NR3C1: variants seen among roughly 807,000 people sequenced by gnomAD.
NR3C1 encodes glucocorticoid receptor.
Under a neutral mutation model 74.0 loss-of-function variants are expected in NR3C1, and 14 were observed. That is an observed-to-expected ratio of 0.19 (90% CI 0.12 to 0.30). The LOEUF (loss-of-function observed/expected upper bound fraction) is 0.30. Ranked by LOEUF, NR3C1 falls within the 10% of genes least tolerant of loss-of-function variation. The pLI is 1.00. For missense variants in NR3C1, 695 were observed against 909.8 expected, an observed-to-expected ratio of 0.76 and a Z score of 3.04; for synonymous variants, 308 against 332.5, an observed-to-expected ratio of 0.93 and a Z score of 0.80.
rs10482658 is a variant in NR3C1, at chr5:143,322,512, C to T, written c.1185-8344G>A. ...AAGATTTTTGCCCAAATAGGGATTG[C>T]CAGACTAGGTCAAATAGGTAAAAAC... is the stretch of plus-strand genomic sequence containing the variant. On this transcript the variant is annotated intron_variant, in intron 2 of 8. Transcript: ENST00000394464. 9.5e-3 allele frequency among the ~76,000 whole-genome samples: 1,443 copies of T among 152,234 alleles called. 12 individuals carry two copies. The highest frequency in any genetic ancestry group is 0.023 in the South Asian group (109 of 4,826).
At chr5:143,342,369 G>C (rs1402316630) in intron 2 of NR3C1, among the ~76,000 whole-genome samples, 1 of 152,282 alleles carries the variant, frequency 6.6e-6, no homozygotes, top group African/African-American at 2.4e-5. Flanking sequence ...AGGAAACTGA[G>C]GCTTAGAAGG....
chr5:143,380,897 G>T (rs1475015684), intron 2 of NR3C1, among the ~76,000 whole-genome samples: 1 of 152,078 alleles, frequency 6.6e-6, no homozygotes, highest in African/African-American at 2.4e-5. Context: ...TCTACAACAA[G>T]ACAAGAGTGC....
intron 2 of NR3C1, among the ~76,000 whole-genome samples, chr5:143,363,705 T>C (rs901757435): frequency 6.6e-6 from 1 of 151,992 alleles, no homozygotes; most frequent in Admixed American, 6.6e-5. Context: ...AAGATAGCAA[T>C]GATAAAACTG....
intron 2 of NR3C1, among the ~76,000 whole-genome samples, chr5:143,371,434 G>A (rs568557927): frequency 6.6e-6 from 1 of 152,284 alleles, no homozygotes; most frequent in East Asian, 1.9e-4. Flanking sequence ...TGTTGCTCCA[G>A]CAGACTGTAA....
chr5:143,303,157 A>G (rs1404871504), intron 4 of NR3C1, among the ~76,000 whole-genome samples: 1 of 150,340 alleles, frequency 6.7e-6, no homozygotes, highest in Non-Finnish European at 1.5e-5. Flanking sequence ...AAGCACCTCT[A>G]TGCACACAAA....
At chr5:143,284,353 G>A (rs1414877345) in intron 7 of NR3C1, among the ~76,000 whole-genome samples, 1 of 152,104 alleles carries the variant, frequency 6.6e-6, no homozygotes, top group East Asian at 1.9e-4. Context: ...TAATGAATAT[G>A]TATGAAAATG....
chr5:143,289,010 T>C (rs905288425), intron 7 of NR3C1, among the ~76,000 whole-genome samples: 1 of 143,170 alleles, frequency 7.0e-6, no homozygotes, highest in African/African-American at 2.6e-5. Flanking sequence ...AGGCTGAGGC[T>C]GCGATGAGCC....
chr5:143,311,103 A>C (rs975269123), intron 3 of NR3C1, among the ~76,000 whole-genome samples: 1 of 152,224 alleles, frequency 6.6e-6, no homozygotes, highest in Non-Finnish European at 1.5e-5. Context: ...AAATATCTGT[A>C]CCAGCTGTTT....
chr5:143,356,089 C>T (rs890260103), intron 2 of NR3C1, among the ~76,000 whole-genome samples: 2 of 152,110 alleles, frequency 1.3e-5, no homozygotes, highest in South Asian at 2.1e-4. Context: ...AATATTGCTC[C>T]AAAATATTCC....
intron 7 of NR3C1, chr5:143,294,320 G>C (rs1221053663): frequency 1.2e-5 from 11 of 925,000 alleles, no homozygotes; most frequent in Non-Finnish European, 1.3e-5. Context: ...TATTAACTCA[G>C]TATTTAATAA....
intron 2 of NR3C1, among the ~76,000 whole-genome samples, chr5:143,381,911 CA>C (rs1371554385): frequency 6.6e-6 from 1 of 152,070 alleles, no homozygotes; most frequent in African/African-American, 2.4e-5. Flanking sequence ...GCAACCAATG[CA>C]AAAATGGACA....
intron 2 of NR3C1, among the ~76,000 whole-genome samples, chr5:143,378,477 G>A (rs1484990563): frequency 3.3e-5 from 5 of 152,136 alleles, no homozygotes; most frequent in African/African-American, 4.8e-5. Context: ...TAGCTATGGT[G>A]CGGAAAAATT....
In NR3C1 at chr5:143,415,906, A is replaced by C. The variant is rs1270314812; in HGVS notation, c.-13-15054T>G. Among the ~76,000 whole-genome samples, 5 of 152,194 alleles carry C rather than the reference A, an allele frequency of 3.3e-5. No homozygotes were observed. The East Asian group carries it at 9.6e-4, about 29-fold the overall frequency. On this transcript the variant is annotated intron_variant, in intron 1 of 8. Coordinates refer to the NR3C1 transcript ENST00000343796. ...TCCTTTAGACATTCTAGAAAAAATC[A>C]ATTAGAGCAGTAGTCATGGATGGCT...
At chr5:143,405,655 G>C (rs1305770069), upstream of NR3C1, among the ~76,000 whole-genome samples, 4 of 152,172 alleles carry the variant, frequency 2.6e-5, no homozygotes, top group African/African-American at 9.7e-5. Flanking sequence ...GGCAAAGGAA[G>C]AGATACTCGC....
chr5:143,385,108 G>T (rs1243228406), intron 2 of NR3C1, among the ~76,000 whole-genome samples: 1 of 152,202 alleles, frequency 6.6e-6, no homozygotes, highest in African/African-American at 2.4e-5. Context: ...TGAAGCAACA[G>T]CCCAAGATTA....
chr5:143,430,905 G>A (rs1419704415), intron 1 of NR3C1, among the ~76,000 whole-genome samples: 2 of 152,194 alleles, frequency 1.3e-5, no homozygotes, highest in African/African-American at 4.8e-5. Flanking sequence ...GGGGTGTTGA[G>A]CCTTCACTGC....
chr5:143,358,839 G>A (rs1173782693), intron 2 of NR3C1, among the ~76,000 whole-genome samples: 1 of 151,802 alleles, frequency 6.6e-6, no homozygotes, highest in African/African-American at 2.4e-5. Flanking sequence ...GGCAGAGGTT[G>A]TGGTGAGCCG....
chr5:143,356,646 G>A (rs953049049), intron 2 of NR3C1, among the ~76,000 whole-genome samples: 1 of 150,948 alleles, frequency 6.6e-6, no homozygotes. Flanking sequence ...TATTTCTGCT[G>A]CTGCTTCTTT....
intron 7 of NR3C1, among the ~76,000 whole-genome samples, chr5:143,293,312 A>G (rs1350023064): frequency 6.6e-6 from 1 of 152,192 alleles, no homozygotes; most frequent in Admixed American, 6.5e-5. Context: ...CTCACTTCTA[A>G]GTGGGAGCTA....
Sources: gnomAD v4.1 joint callset for allele counts (sites outside exome capture counted in the v4.1 genomes callset) on GRCh38, gnomAD v4.1.1 for gene constraint, MANE v1.5 for transcripts, NCBI Gene and HGNC (gene_info 2026-07-23, HGNC 2026-07-21) for gene names.